Variants in TECR observed in about 807,000 individuals in gnomAD.
TECR encodes the protein trans-2,3-enoyl-CoA reductase.
Under a neutral mutation model 50.6 loss-of-function variants are expected in TECR, and 19 were observed. The observed-to-expected ratio is 0.38, with a 90% confidence interval of 0.26 to 0.55. The LOEUF is 0.55. Ranked by LOEUF, TECR falls within the 20% of genes least tolerant of loss-of-function variation. The probability of loss-of-function intolerance (pLI) is 0.79; values close to 1 mark genes in which losing one functional copy is unlikely to be tolerated. For missense variants in TECR, 313 were observed against 408.3 expected (o/e 0.77, Z 2.01); for synonymous variants, 168 against 163.5 (o/e 1.03, Z -0.21).
intron 1 of TECR, among the ~76,000 whole-genome samples, chr19:14,535,494 G>T (rs575381352): frequency 2.1e-5 from 2 of 93,758 alleles, no homozygotes; most frequent in African/African-American, 8.8e-5. Flanking sequence ...GCGACAGAGC[G>T]AGACTCCGTC....
chr19:14,539,477 G>A (rs2073022835), intron 1 of TECR, among the ~76,000 whole-genome samples: 2 of 152,054 alleles, frequency 1.3e-5, no homozygotes, highest in South Asian at 4.1e-4. Flanking sequence ...GGAGCACACT[G>A]CTTCTGTTCC....
intron 1 of TECR, among the ~76,000 whole-genome samples, chr19:14,538,368 G>T (rs966993401): frequency 1.3e-5 from 2 of 152,036 alleles, no homozygotes; most frequent in Non-Finnish European, 2.9e-5. Context: ...GGGGGCCTGT[G>T]GGGGAGTGTG....
chr19:14,554,097 G>A (rs1005340002), intron 1 of TECR, among the ~76,000 whole-genome samples: 1 of 152,188 alleles, frequency 6.6e-6, no homozygotes, highest in African/African-American at 2.4e-5. Flanking sequence ...GTGTGGTGGG[G>A]TATGGCCTGG....
At chr19:14,528,831 C>T (rs916066451), upstream of TECR, among the ~76,000 whole-genome samples, 2 of 152,104 alleles carry the variant, frequency 1.3e-5, no homozygotes, top group Admixed American at 6.6e-5. Context: ...GTAATCTCAT[C>T]TACTTGGGAG....
At chr19:14,548,698 C>T (rs1334993305) in intron 1 of TECR, among the ~76,000 whole-genome samples, 2 of 152,138 alleles carry the variant, frequency 1.3e-5, no homozygotes, top group African/African-American at 4.8e-5. Context: ...CTGTCTCAGC[C>T]TCCCAAGTAG....
chr19:14,549,683 G>T (rs556110928), intron 1 of TECR, among the ~76,000 whole-genome samples: 29 of 151,846 alleles, frequency 1.9e-4, no homozygotes, highest in Non-Finnish European at 3.4e-4. Context: ...AGTGGCTCAC[G>T]CCTGTAATCC....
chr19:14,540,422 G>C (rs536481161), intron 1 of TECR, among the ~76,000 whole-genome samples: 26 of 150,222 alleles, frequency 1.7e-4, no homozygotes, highest in African/African-American at 4.9e-4. Flanking sequence ...AGGCAGAGTC[G>C]TGCTCTGTCA....
At chr19:14,530,457 T>C (rs571021972) in intron 1 of TECR, 3 of 152,336 alleles carry the variant, frequency 2.0e-5, no homozygotes, top group African/African-American at 7.2e-5. Flanking sequence ...TTGCTGACTT[T>C]TAAGTAACTA....
intron 1 of TECR, among the ~76,000 whole-genome samples, chr19:14,542,813 G>A (rs943675153): frequency 6.6e-6 from 1 of 152,016 alleles, no homozygotes; most frequent in African/African-American, 2.4e-5. Flanking sequence ...TCCCAGCCCT[G>A]CAAGGTGTAA....
intron 1 of TECR, among the ~76,000 whole-genome samples, chr19:14,554,574 C>A (rs551231260): frequency 4.5e-4 from 68 of 152,298 alleles, no homozygotes; most frequent in Non-Finnish European, 7.8e-4. Flanking sequence ...CAGAGGCCTT[C>A]TGTGCATGGC....
upstream of TECR, among the ~76,000 whole-genome samples, chr19:14,528,245 CTTTTTTCTTTTT>C (rs1231311683): frequency 7.2e-6 from 1 of 139,242 alleles, no homozygotes; most frequent in African/African-American, 2.7e-5. Flanking sequence ...ATTTCTTTTT[CTTTTTTCTTTTT>C]TTTTTTTTGA....
chr19:14,549,842 C>T (rs1313348774), intron 1 of TECR, among the ~76,000 whole-genome samples: 1 of 151,874 alleles, frequency 6.6e-6, no homozygotes, highest in Non-Finnish European at 1.5e-5. Flanking sequence ...ACTCAGGAGG[C>T]TGAGGCAGGA....
chr19:14,551,152 A>G (rs547525749), intron 1 of TECR, among the ~76,000 whole-genome samples: 3 of 151,306 alleles, frequency 2.0e-5, no homozygotes, highest in Admixed American at 6.6e-5. Flanking sequence ...GCTCACTGCA[A>G]CCTCCACCTC....
At position 14,563,475 on chromosome 19, in the gene TECR, G is replaced by A. The variant is rs1053750277; in HGVS notation, c.119-183G>A. 13 of 858,990 alleles carry A rather than the reference G, an allele frequency of 1.5e-5. No homozygotes were observed. The highest frequency in any genetic ancestry group is 1.0e-4 in the African/African-American group (6 of 59,490). 53.2% of individuals were successfully genotyped at this position (858,990 alleles called of 1,614,324 possible). A position where few individuals can be genotyped will look rare whatever the true frequency, so the allele number is the denominator to read the frequency against. On this transcript the variant is annotated intron_variant, in intron 3 of 12. Transcript: ENST00000215567. The surrounding 1 kb of genome is among the most constrained non-coding windows in gnomAD (Gnocchi z 5.3). ...GAAGGACAAGATCCTGCTTCTGCCC[G>A]CGCTCTTCTGGCTTGTGTCCTGAAA...
chr19:14,562,444 C>T, intron 1 of TECR, 81 bp from the exon 2 acceptor site: 2 of 1,548,320 alleles, frequency 1.3e-6, no homozygotes, highest in Non-Finnish European at 1.8e-6. Flanking sequence ...CCCAGGCCTC[C>T]TCCCTGGCCT....
intron 1 of TECR, among the ~76,000 whole-genome samples, chr19:14,545,546 C>T (rs924308668): frequency 2.0e-5 from 3 of 152,194 alleles, no homozygotes; most frequent in South Asian, 4.1e-4. Flanking sequence ...TGCGCACTGT[C>T]ATATCCCGGC....
intron 1 of TECR, among the ~76,000 whole-genome samples, chr19:14,551,690 C>T (rs2073511991): frequency 6.6e-6 from 1 of 152,026 alleles, no homozygotes; most frequent in Non-Finnish European, 1.5e-5. Flanking sequence ...AGACCTTTTG[C>T]TCTGGTACAG....
Position 14,563,897 on chromosome 19 carries a change from G to T in TECR, c.261G>T (p.Trp87Cys). 1.2e-6 allele frequency: 2 copies of T among 1,614,044 alleles called. No individual in the cohort carries two copies. The highest frequency in any genetic ancestry group is 1.7e-6 in the Non-Finnish European group (2 of 1,179,942). The change falls in exon 5 of 13, where the codon TGG becomes TGT. Residue 87 changes from tryptophan (W) to cysteine (C), a missense_variant. Physicochemically the swap from Trp to Cys is radical, Grantham distance 215 (BLOSUM62 -2). Coordinates refer to ENST00000215567, the MANE Select transcript of TECR (RefSeq NM_138501.6). The surrounding 1 kb of genome is among the most constrained non-coding windows in gnomAD (Gnocchi z 5.3). ...YFRDLGAQIS[W>C]VTVFLTEYAG... ...GGGACCTGGGGGCCCAGATCAGCTG[G>T]GTGACGGTGAGTCCTGACCCTACCC...
At position 14,563,919 on chromosome 19, in the gene TECR, A is replaced by C; in HGVS notation, c.267+16A>C. The C allele has an allele frequency of 6.2e-7, 1 of 1,613,736 alleles. No individual in the cohort carries two copies. The highest frequency in any genetic ancestry group is 1.1e-5 in the South Asian group (1 of 91,072). On this transcript the variant is annotated intron_variant, in intron 5 of 12. Coordinates refer to ENST00000215567, the MANE Select transcript of TECR (RefSeq NM_138501.6). The surrounding 1 kb of genome is among the most constrained non-coding windows in gnomAD (Gnocchi z 5.3). ...CTGGGTGACGGTGAGTCCTGACCCT[A>C]CCCACGGCCTCTTTTCCCGTCAGCC...
Sources: allele counts gnomAD v4.1 joint callset (sites outside exome capture counted in the v4.1 genomes callset), GRCh38; gene constraint gnomAD v4.1.1; non-coding constraint Gnocchi (gnomAD v3.1); transcripts MANE v1.5; gene names NCBI Gene and HGNC (gene_info 2026-07-23, HGNC 2026-07-21).